SMPD3: variants seen among roughly 807,000 people sequenced by gnomAD.
SMPD3 encodes the protein nSMase-2.
In SMPD3, 21 loss-of-function variants were observed where a neutral mutation model predicts 55.7. That is an observed-to-expected ratio of 0.38 (90% CI 0.27 to 0.54). The LOEUF is 0.54. Among genes scored for constraint, SMPD3 ranks in the 20% least tolerant of loss-of-function variants. The pLI is 0.80. For missense variants in SMPD3, 842 were observed against 899.6 expected, an observed-to-expected ratio of 0.94 and a Z score of 0.82; for synonymous variants, 457 against 404.3, an observed-to-expected ratio of 1.13 and a Z score of -1.56.
At chr16:68,365,432 T>G (rs1353973810) in intron 3 of SMPD3, among the ~76,000 whole-genome samples, 1 of 152,092 alleles carries the variant, frequency 6.6e-6, no homozygotes, top group Non-Finnish European at 1.5e-5. Flanking sequence ...TCTCAGTTCC[T>G]TGTCCAGTCC....
chr16:68,412,903 T>C (rs2090312961), intron 1 of SMPD3, among the ~76,000 whole-genome samples: 1 of 152,238 alleles, frequency 6.6e-6, no homozygotes, highest in African/African-American at 2.4e-5. Flanking sequence ...TGGAAGAACA[T>C]TTTTTGAGTA....
intron 2 of SMPD3, among the ~76,000 whole-genome samples, chr16:68,381,193 C>T (rs955998063): frequency 4.6e-5 from 7 of 152,206 alleles, no homozygotes; most frequent in African/African-American, 7.2e-5. Flanking sequence ...GTTGAGGCCC[C>T]GTCCTGGACC....
In SMPD3 at chr16:68,403,755, A is replaced by G. The variant is rs189047006; in HGVS notation, c.-268-17096T>C. ...ATTGTTTGCACAATAATTTTACCCC[A>G]GCTCATTTCAAAACCAGGGCTGGGC... is the stretch of plus-strand genomic sequence containing the variant. On this transcript the variant is annotated intron_variant, in intron 1 of 8. Coordinates refer to ENST00000219334, the MANE Select transcript of SMPD3 (RefSeq NM_018667.4). 4.6e-5 allele frequency among the ~76,000 whole-genome samples: 7 copies of G among 152,328 alleles called. No individual in the cohort carries two copies. The East Asian group carries it at 1.3e-3, about 29-fold the overall frequency.
At chr16:68,445,297 T>A (rs144047850) in intron 1 of SMPD3, among the ~76,000 whole-genome samples, 1 of 152,090 alleles carries the variant, frequency 6.6e-6, no homozygotes, top group East Asian at 1.9e-4. Flanking sequence ...GAGGTAGAGG[T>A]AGAGACAGGA....
chr16:68,369,771 C>G (rs1024189831), intron 3 of SMPD3: 7 of 152,268 alleles, frequency 4.6e-5, no homozygotes, highest in African/African-American at 1.7e-4. Context: ...GAAGTGGGGG[C>G]CAGGGCCCTT....
At chr16:68,409,239 G>C (rs1358804230) in intron 1 of SMPD3, among the ~76,000 whole-genome samples, 1 of 152,246 alleles carries the variant, frequency 6.6e-6, no homozygotes, top group African/African-American at 2.4e-5. Context: ...CTTGCCCGGA[G>C]GGCTCACTTT....
At chr16:68,364,409 G>C (rs2089412927) in intron 5 of SMPD3, 1 of 275,722 alleles carries the variant, frequency 3.6e-6, no homozygotes, top group East Asian at 8.4e-5. Flanking sequence ...ACACTTAAGT[G>C]AAACAGCGAT....
At chr16:68,398,999 A>G (rs1045752990) in intron 1 of SMPD3, among the ~76,000 whole-genome samples, 1 of 152,204 alleles carries the variant, frequency 6.6e-6, no homozygotes, top group Non-Finnish European at 1.5e-5. Context: ...TTTCTTATTT[A>G]AAATAGTGAT....
chr16:68,386,763 A>C (rs910663243), intron 1 of SMPD3, 104 bp from the exon 2 acceptor site: 5 of 152,334 alleles, frequency 3.3e-5, no homozygotes, highest in African/African-American at 1.2e-4. Flanking sequence ...ACAAAGACCA[A>C]GGGGCCTCAC....
chr16:68,408,098 C>T (rs1303556138), intron 1 of SMPD3, among the ~76,000 whole-genome samples: 1 of 152,166 alleles, frequency 6.6e-6, no homozygotes, highest in Non-Finnish European at 1.5e-5. Flanking sequence ...TATCTTTGAG[C>T]TTCCTAGAAT....
chr16:68,437,263 C>T (rs1047239188), intron 1 of SMPD3, among the ~76,000 whole-genome samples: 1 of 152,182 alleles, frequency 6.6e-6, no homozygotes, highest in Middle Eastern at 3.2e-3. Flanking sequence ...ACCAAACAGC[C>T]CTACTTTCTG....
In SMPD3 at chr16:68,407,169, A is replaced by G. The variant is rs114755906; in HGVS notation, c.-268-20510T>C. ...GGCACACTGTAATTACTGCTTAACC[A>G]TAAGTGTAGCTTGGCAAGATGCATG... On this transcript the variant is annotated intron_variant, in intron 1 of 8. Coordinates refer to ENST00000219334, the MANE Select transcript of SMPD3 (RefSeq NM_018667.4). Among the ~76,000 whole-genome samples, 557 of 152,312 alleles carry G rather than the reference A, an allele frequency of 3.7e-3. 6 individuals are homozygous for G. The highest frequency in any genetic ancestry group is 0.012 in the African/African-American group (513 of 41,576).
At chr16:68,361,821 CTG>C (rs1207377637) in intron 7 of SMPD3, 62 bp from the exon 8 acceptor site, 4 of 1,410,182 alleles carry the variant, frequency 2.8e-6, no homozygotes, top group Non-Finnish European at 3.8e-6. Context: ...CTGGCAGGGG[CTG>C]TGTGTGGAGC....
In SMPD3 at chr16:68,424,704, C is replaced by T. The variant is rs117246728; in HGVS notation, c.-269+23649G>A. 4.8e-3 allele frequency among the ~76,000 whole-genome samples: 731 copies of T among 152,230 alleles called. 36 individuals carry two copies. The South Asian group carries it at 0.099, about 21-fold the overall frequency. ...CTGTCTTCATGACTCTATTATAAAC[C>T]AGAAGAATGTTTTCTCTTTTTTTTG... On this transcript the variant is annotated intron_variant, in intron 1 of 8. Coordinates refer to ENST00000219334, the MANE Select transcript of SMPD3 (RefSeq NM_018667.4).
intron 1 of SMPD3, among the ~76,000 whole-genome samples, chr16:68,392,624 G>C (rs2090121313): frequency 6.6e-6 from 1 of 152,100 alleles, no homozygotes; most frequent in Admixed American, 6.5e-5. Context: ...CACTTTGGGA[G>C]GCCAAGGTAG....
intron 1 of SMPD3, among the ~76,000 whole-genome samples, chr16:68,416,751 C>G (rs1235746430): frequency 1.3e-5 from 2 of 152,118 alleles, no homozygotes; most frequent in Non-Finnish European, 2.9e-5. Context: ...CATGCAGCCA[C>G]TGGGGCTTCA....
rs549758137 is a variant in SMPD3 at position 68,379,514 on chromosome 16, C to T, written c.-207+7084G>A. Among the ~76,000 whole-genome samples, 37 of 152,304 alleles carry T rather than the reference C, an allele frequency of 2.4e-4. No homozygotes were observed. In the South Asian group the frequency reaches 6.6e-3, roughly 27 times the overall value. ...TGCTGCAAAGTCCTGAAGATACAGCCGGAGCCTTCAAAGTCTCCTCCTCTT... is the reference window on the plus strand; with the variant it reads ...TGCTGCAAAGTCCTGAAGATACAGCTGGAGCCTTCAAAGTCTCCTCCTCTT... On this transcript the variant is annotated intron_variant, in intron 2 of 8. Coordinates refer to ENST00000219334, the MANE Select transcript of SMPD3 (RefSeq NM_018667.4).
intron 1 of SMPD3, among the ~76,000 whole-genome samples, chr16:68,398,692 T>G (rs1312734182): frequency 6.6e-6 from 1 of 152,262 alleles, no homozygotes; most frequent in Non-Finnish European, 1.5e-5. Flanking sequence ...TTTGCATTAG[T>G]TACATTAAAA....
In SMPD3 at chr16:68,383,368, C is replaced by G. The variant is rs185485454; in HGVS notation, c.-207+3230G>C. 2.0e-5 allele frequency among the ~76,000 whole-genome samples: 3 copies of G among 152,322 alleles called. No homozygotes were observed. The East Asian group carries it at 5.8e-4, about 29-fold the overall frequency. On this transcript the variant is annotated intron_variant, in intron 2 of 8. Coordinates refer to ENST00000219334, the MANE Select transcript of SMPD3 (RefSeq NM_018667.4). ...AAGAGAAAAGGAAGACAGAGTGTCT[C>G]ACTAGACTTTCTTGGTAAAGTTTTG...
Sources: allele counts gnomAD v4.1 joint callset (sites outside exome capture counted in the v4.1 genomes callset), GRCh38; gene constraint gnomAD v4.1.1; transcripts MANE v1.5; gene names NCBI Gene and HGNC (gene_info 2026-07-23, HGNC 2026-07-21).